Variants in AKAP13 observed in about 807,000 individuals in gnomAD.
AKAP13 encodes A-kinase anchoring protein 13, also known as A-kinase anchor protein 13.
A neutral mutation model predicts 264.5 loss-of-function variants in AKAP13; 80 were observed. The observed-to-expected ratio is 0.30, with a 90% CI of 0.25 to 0.36. The LOEUF is 0.36. Ranked by LOEUF, AKAP13 falls within the 10% of genes least tolerant of loss-of-function variation. The pLI is 1.00. For synonymous variants in AKAP13, 1,380 were observed against 1,250.2 expected, an observed-to-expected ratio of 1.10 and a Z score of -2.19; for missense variants, 3,712 against 3,435.2, an observed-to-expected ratio of 1.08 and a Z score of -2.01.
intron 1 of AKAP13, among the ~76,000 whole-genome samples, chr15:85,443,322 A>G (rs2073777481): frequency 6.6e-6 from 1 of 152,164 alleles, no homozygotes; most frequent in African/African-American, 2.4e-5. Flanking sequence ...AGATAAAGTG[A>G]GAGAGCTTAG....
In AKAP13 at chr15:85,734,862, C is replaced by G. The variant is rs1440074935; in HGVS notation, c.7283-130C>G. ...CCCTGAGCTGAGACCCTTCTCTGAG[C>G]AAAGGAACTCACCCAGTCACTCTTT... On this transcript the variant is annotated intron_variant, in intron 30 of 36. Transcript: ENST00000394518. 12 of 1,253,416 alleles carry G rather than the reference C, an allele frequency of 9.6e-6. No individual in the cohort carries two copies. In the East Asian group the frequency reaches 2.4e-4, roughly 25 times the overall value. The allele number at this position is 1,253,416 out of a possible 1,614,324, so 77.6% of individuals were successfully genotyped here.
At chr15:85,657,560 G>A (rs1001952494) in intron 11 of AKAP13, among the ~76,000 whole-genome samples, 5 of 152,094 alleles carry the variant, frequency 3.3e-5, no homozygotes, top group Non-Finnish European at 4.4e-5. Flanking sequence ...GTCAAATGCC[G>A]TTTCTATAAT....
At chr15:85,673,444 C>T (rs1033097763) in intron 14 of AKAP13, among the ~76,000 whole-genome samples, 9 of 152,018 alleles carry the variant, frequency 5.9e-5, no homozygotes, top group Non-Finnish European at 1.0e-4. Context: ...CAGGTGCTGG[C>T]TGTGTCATGA....
At chr15:85,627,390 C>G (rs1349743570) in intron 8 of AKAP13, among the ~76,000 whole-genome samples, 1 of 151,904 alleles carries the variant, frequency 6.6e-6, no homozygotes, top group Non-Finnish European at 1.5e-5. Flanking sequence ...TGATGTATAC[C>G]TTTTATGTGC....
chr15:85,553,727 T>C (rs2078043296), intron 5 of AKAP13, among the ~76,000 whole-genome samples: 1 of 152,206 alleles, frequency 6.6e-6, no homozygotes, highest in Non-Finnish European at 1.5e-5. Context: ...GTCCATGGAC[T>C]GTTAGGACCC....
In AKAP13 at chr15:85,743,812, C is replaced by G. The variant is rs146464432; in HGVS notation, c.8379C>G (p.Arg2793=). ...KEKKKKNKTS[R]SQPGDGPASE... ...AAAAAAAGAAGAACAAAACCAGCCGCTCTCAGCCCGGTGGTGAGTCACGCA... is the reference window on the plus strand; with the variant it reads ...AAAAAAAGAAGAACAAAACCAGCCGGTCTCAGCCCGGTGGTGAGTCACGCA... Residue 2793 remains arginine, a synonymous_variant, in exon 36 of 37, where the codon CGC becomes CGG. Coordinates refer to ENST00000394518, the MANE Select transcript of AKAP13 (RefSeq NM_007200.5). 4.8e-4 allele frequency: 776 copies of G among 1,610,316 alleles called. 4 individuals are homozygous for G. Among genetic ancestry groups the G allele is most frequent in the Non-Finnish European group, 5.5e-4 (649 of 1,178,522 alleles).
chr15:85,582,379 T>C (rs1289177970), intron 7 of AKAP13, among the ~76,000 whole-genome samples: 1 of 152,182 alleles, frequency 6.6e-6, no homozygotes, highest in African/African-American at 2.4e-5. Flanking sequence ...TTTGCAAACC[T>C]AGAAAACAAT....
At chr15:85,735,652 C>T (rs367820283) in intron 32 of AKAP13, 22 bp downstream of exon 32, 40 of 1,597,976 alleles carry the variant, frequency 2.5e-5, no homozygotes, top group Admixed American at 5.2e-5. Flanking sequence ...TAAAATACAC[C>T]ATGAACCTCC....
Position 85,735,554 on chromosome 15 carries a change from G to A in AKAP13, c.7442-6G>A. 6.3e-7 allele frequency: 1 copy of A among 1,596,632 alleles called. No individual in the cohort carries two copies. Among genetic ancestry groups the A allele is most frequent in the Non-Finnish European group, 8.5e-7 (1 of 1,174,294 alleles). ...AAAAAAAAAAACAACCCTATTTTTT[G>A]TTTAGGAGGCGAGAAGGAAGAGGGA... is the stretch of plus-strand genomic sequence containing the variant. On this transcript the variant is annotated splice_polypyrimidine_tract_variant and splice_region_variant and intron_variant, in intron 31 of 36. Transcript: ENST00000394518.
chr15:85,384,716 G>GA (rs34573727), intron 1 of AKAP13, among the ~76,000 whole-genome samples: 1,278 of 113,688 alleles, frequency 0.011, 23 homozygotes, highest in East Asian at 0.046. Context: ...GACTCCGTCT[G>GA]AAAAAAAAAA....
rs139216949 is a variant in AKAP13, at chr15:85,669,096, C to T, written c.4993-626C>T. 9.2e-5 allele frequency among the ~76,000 whole-genome samples: 14 copies of T among 152,114 alleles called. No individual in the cohort carries two copies. The East Asian group carries it at 1.4e-3, about 15-fold the overall frequency. On this transcript the variant is annotated intron_variant, in intron 13 of 36. Transcript: ENST00000394518. ...ACTAAAAATACAAAATTTAGCTGCG[C>T]GTGGTGGCGCGCACCTGTAATCCCA...
At chr15:85,690,718 G>C (rs1023657096) in intron 16 of AKAP13, among the ~76,000 whole-genome samples, 16 of 152,196 alleles carry the variant, frequency 1.1e-4, no homozygotes, top group Non-Finnish European at 1.5e-5. Flanking sequence ...TGACTGTGCT[G>C]ATCATCTGTT....
rs1437241783 is a variant in AKAP13, at chr15:85,680,878, C to T, written c.5102-1280C>T. Among the ~76,000 whole-genome samples, 11 of 152,258 alleles carry T rather than the reference C, an allele frequency of 7.2e-5. 1 individual carries two copies. The highest frequency in any genetic ancestry group is 6.8e-3 in the Middle Eastern group (2 of 294). ...TGTTACCCAGGCTGGAGTGCAGTGG[C>T]GCAATCTCGGCTCACTGCAACCTCG... On this transcript the variant is annotated intron_variant, in intron 14 of 36. Coordinates refer to ENST00000394518, the MANE Select transcript of AKAP13 (RefSeq NM_007200.5).
At chr15:85,698,093 A>G (rs1025378094) in intron 17 of AKAP13, among the ~76,000 whole-genome samples, 1 of 152,216 alleles carries the variant, frequency 6.6e-6, no homozygotes, top group Non-Finnish European at 1.5e-5. Flanking sequence ...TATTCTGGAA[A>G]AATTGAAAGC....
intron 1 of AKAP13, among the ~76,000 whole-genome samples, chr15:85,477,345 G>T (rs1004583054): frequency 6.6e-6 from 1 of 151,766 alleles, no homozygotes; most frequent in Non-Finnish European, 1.5e-5. Flanking sequence ...AATGATCTGG[G>T]CTACTTCCAA....
At chr15:85,563,571 A>G (rs1260741263) in intron 5 of AKAP13, among the ~76,000 whole-genome samples, 2 of 152,088 alleles carry the variant, frequency 1.3e-5, no homozygotes, top group Non-Finnish European at 2.9e-5. Context: ...GTTGCATTCA[A>G]ATTACCCTGA....
In AKAP13 at chr15:85,693,308, A is replaced by G; in HGVS notation, c.5321A>G (p.Glu1774Gly). 2 of 1,605,910 alleles carry G rather than the reference A, an allele frequency of 1.2e-6. No homozygotes were observed. The highest frequency in any genetic ancestry group is 1.7e-6 in the Non-Finnish European group (2 of 1,178,150). Residue 1774 changes from glutamate (E) to glycine (G), a missense_variant, in exon 17 of 37, where the codon GAG becomes GGG. Physicochemically the swap from Glu to Gly is moderately conservative, Grantham distance 98. Transcript: ENST00000394518. ...GAAAAAGAAAAAGATAAGATTAAGGAGAAGGAGAAAGATTCTAAAGACAAG... is the reference window on the plus strand; with the variant it reads ...GAAAAAGAAAAAGATAAGATTAAGGGGAAGGAGAAAGATTCTAAAGACAAG... The part of the protein sequence containing the change: ...EKEKEKDKIK[E>G]KEKDSKDKEK...
At chr15:85,427,146 G>A (rs1436100138) in intron 1 of AKAP13, among the ~76,000 whole-genome samples, 2 of 151,746 alleles carry the variant, frequency 1.3e-5, no homozygotes, top group Non-Finnish European at 1.5e-5. Flanking sequence ...TAGTAGAGAC[G>A]GGGTTTCACC....
intron 8 of AKAP13, chr15:85,620,066 T>G (rs1036830333): frequency 1.3e-6 from 2 of 1,536,058 alleles, no homozygotes; most frequent in Admixed American, 2.0e-5. Context: ...CTGCATTTTC[T>G]CTGTTCTTTC....
Sources: allele counts gnomAD v4.1 joint callset (sites outside exome capture counted in the v4.1 genomes callset), GRCh38; gene constraint gnomAD v4.1.1; transcripts MANE v1.5; gene names NCBI Gene and HGNC (gene_info 2026-07-23, HGNC 2026-07-21).